Variants in ARPC2 observed in about 807,000 individuals in gnomAD.
ARPC2 encodes the protein actin-related protein 2/3 complex subunit 2.
ARPC2 carries 4 observed loss-of-function variants against 38.6 expected under a neutral mutation model. That is an observed-to-expected ratio of 0.10 (90% CI 0.05 to 0.24). The LOEUF (loss-of-function observed/expected upper bound fraction) is 0.24. Ranked by LOEUF, ARPC2 falls within the 10% of genes least tolerant of loss-of-function variation. The probability of loss-of-function intolerance (pLI) is 1.00; values close to 1 mark genes in which losing one functional copy is unlikely to be tolerated. For synonymous variants in ARPC2, 125 were observed against 140.8 expected, an observed-to-expected ratio of 0.89 and a Z score of 0.79; for missense variants, 229 against 387.3, an observed-to-expected ratio of 0.59 and a Z score of 3.43.
intron 7 of ARPC2, among the ~76,000 whole-genome samples, chr2:218,240,922 AG>A (rs1289299346): frequency 6.6e-6 from 1 of 151,966 alleles, no homozygotes; most frequent in Non-Finnish European, 1.5e-5. Flanking sequence ...GAGAGTTAGC[AG>A]GGCATTTTGT....
At chr2:218,249,615 C>T (rs1690131772) in intron 9 of ARPC2, 151 bp downstream of exon 9, 2 of 757,038 alleles carry the variant, frequency 2.6e-6, no homozygotes, top group African/African-American at 3.5e-5. Context: ...GGTCTTTCTT[C>T]ATCAAGCCAC....
Position 218,225,961 on chromosome 2 carries a change from A to G in ARPC2, c.109+7A>G, listed in dbSNP as rs561677173. ...GTAGAAGTAACATTTGCAGGTAAGC[A>G]TCTTTATCTCAGCCCTCTGAAGAGA... On this transcript the variant is annotated splice_region_variant and intron_variant, in intron 3 of 10. Transcript: ENST00000315717. The G allele has an allele frequency of 1.7e-5, 28 of 1,613,514 alleles. No homozygotes were observed. The Middle Eastern group carries it at 5.0e-4, about 29-fold the overall frequency.
At chr2:218,249,663 G>A (rs1574595933) in intron 9 of ARPC2, 158 bp from the exon 10 acceptor site, 1 of 792,370 alleles carries the variant, frequency 1.3e-6, no homozygotes, top group East Asian at 2.7e-5. Context: ...ATGAATATTT[G>A]TTTCCAGAAT....
intron 4 of ARPC2, among the ~76,000 whole-genome samples, chr2:218,232,189 C>G (rs1036034434): frequency 6.6e-6 from 1 of 151,908 alleles, no homozygotes; most frequent in Admixed American, 6.6e-5. Context: ...TGCAATGAGC[C>G]GAGATCACGC....
chr2:218,217,257 C>CG lies in ARPC2; in HGVS notation c.-9+5dup. 8.3e-6 allele frequency: 3 copies of CG among 363,208 alleles called. No individual in the cohort carries two copies. Among genetic ancestry groups the CG allele is most frequent in the Admixed American group, 5.8e-5 (1 of 17,256 alleles). The allele number at this position is 363,208 out of a possible 1,614,324, so 22.5% of individuals were successfully genotyped here. ...CGGGTTCAGGCTTCGGGGGCCAGGTCGGTTGGGTGGGTGGGTGTCTCCACA... is the reference window on the plus strand; with the variant it reads ...CGGGTTCAGGCTTCGGGGGCCAGGTCGGGTTGGGTGGGTGGGTGTCTCCACA... On this transcript the variant is annotated splice_donor_region_variant and intron_variant, in intron 1 of 10. Coordinates refer to ENST00000315717, the MANE Select transcript of ARPC2 (RefSeq NM_152862.3).
chr2:218,241,205 T>C (rs1382356425), intron 7 of ARPC2, among the ~76,000 whole-genome samples: 2 of 152,246 alleles, frequency 1.3e-5, no homozygotes, highest in Admixed American at 1.3e-4. Flanking sequence ...ACAGCTGTGC[T>C]TAACAGTAAA....
At chr2:218,251,564 C>CCAT (rs1690192723) in intron 10 of ARPC2, among the ~76,000 whole-genome samples, 1 of 151,550 alleles carries the variant, frequency 6.6e-6, no homozygotes, top group Non-Finnish European at 1.5e-5. Flanking sequence ...AGCAATCCTC[C>CCAT]CATCTCAGCC....
At chr2:218,240,155 G>A (rs189182243) in intron 7 of ARPC2, among the ~76,000 whole-genome samples, 72 of 151,194 alleles carry the variant, frequency 4.8e-4, no homozygotes, top group Admixed American at 3.3e-3. Flanking sequence ...GGGTTTCACC[G>A]TGTTGGCCAG....
At position 218,223,779 on chromosome 2, in the gene ARPC2, G is replaced by A. The variant is rs74370196; in HGVS notation, c.75-2141G>A. ...GCATCTGAAATTTTAGCAGCTGGTA[G>A]AACAGTAAATAATGTAACTATTAAT... On this transcript the variant is annotated intron_variant, in intron 2 of 10. Transcript: ENST00000315717. Among the ~76,000 whole-genome samples the A allele has an allele frequency of 9.0e-3, 1,367 of 152,308 alleles. 25 individuals are homozygous for A. Among genetic ancestry groups the A allele is most frequent in the African/African-American group, 0.031 (1,303 of 41,564 alleles).
intron 6 of ARPC2, 75 bp downstream of exon 6, chr2:218,238,925 C>A: frequency 8.4e-7 from 1 of 1,193,116 alleles, no homozygotes. Flanking sequence ...AGAAATATGG[C>A]TTGGTCAAAC....
chr2:218,247,321 GTTTGGAATTAATAAGCT>G lies in ARPC2; in HGVS notation c.676+1777_676+1793del, dbSNP rs1467356908. Among the ~76,000 whole-genome samples the G allele has an allele frequency of 2.6e-5, 4 of 152,300 alleles. No homozygotes were observed. In the East Asian group the frequency reaches 7.7e-4, roughly 29 times the overall value. On this transcript the variant is annotated intron_variant, in intron 8 of 10. Transcript: ENST00000315717. The stretch of plus-strand genomic sequence containing the variant: ...CACTGGCTGATTATGATAGCTTACA[GTTTGGAATTAATAAGCT>G]TGTTCACACTGCACCCAATGCCACT...
At chr2:218,241,746 C>G (rs1689921673) in intron 7 of ARPC2, among the ~76,000 whole-genome samples, 1 of 152,184 alleles carries the variant, frequency 6.6e-6, no homozygotes, top group Non-Finnish European at 1.5e-5. Flanking sequence ...AGGGCACTTA[C>G]CTAAAAGGAA....
rs928745091 is a variant in ARPC2, at chr2:218,217,695, G to A, written c.74+151G>A. On this transcript the variant is annotated intron_variant, in intron 2 of 10. Coordinates refer to ENST00000315717, the MANE Select transcript of ARPC2 (RefSeq NM_152862.3). ...CCCCAGCGGGGTAGACGTGGGAGGC[G>A]ATTGGGCGCGGCCGGGCGAGGGGCA... The A allele has an allele frequency of 3.7e-5, 30 of 814,238 alleles. No individual in the cohort carries two copies. In the African/African-American group the frequency reaches 4.4e-4, roughly 12 times the overall value. 50.4% of individuals were successfully genotyped at this position (814,238 alleles called of 1,614,324 possible). A position where few individuals can be genotyped will look rare whatever the true frequency, so the allele number is the denominator to read the frequency against.
intron 10 of ARPC2, among the ~76,000 whole-genome samples, chr2:218,251,810 C>T (rs1451506862): frequency 6.6e-6 from 1 of 152,190 alleles, no homozygotes; most frequent in Non-Finnish European, 1.5e-5. Flanking sequence ...TAGGGCTTTA[C>T]ACTCTCTCTC....
intron 10 of ARPC2, among the ~76,000 whole-genome samples, chr2:218,251,133 G>C (rs990402255): frequency 6.6e-6 from 1 of 152,108 alleles, no homozygotes; most frequent in Non-Finnish European, 1.5e-5. Context: ...TAAAAGTCTT[G>C]AGGTCATAAG....
rs1574570822 is a variant in ARPC2, at chr2:218,217,257, C to T, written c.-9+3C>T. The T allele has an allele frequency of 2.8e-6, 1 of 363,212 alleles. No individual in the cohort carries two copies. Among genetic ancestry groups the T allele is most frequent in the East Asian group, 5.2e-5 (1 of 19,398 alleles). The allele number at this position is 363,212 out of a possible 1,614,324, so 22.5% of individuals were successfully genotyped here. ...CGGGTTCAGGCTTCGGGGGCCAGGTCGGTTGGGTGGGTGGGTGTCTCCACA... is the reference window on the plus strand; with the variant it reads ...CGGGTTCAGGCTTCGGGGGCCAGGTTGGTTGGGTGGGTGGGTGTCTCCACA... On this transcript the variant is annotated splice_donor_region_variant and intron_variant, in intron 1 of 10. Transcript: ENST00000315717.
intron 8 of ARPC2, among the ~76,000 whole-genome samples, chr2:218,247,417 C>T (rs1690066892): frequency 6.6e-6 from 1 of 152,174 alleles, no homozygotes; most frequent in African/African-American, 2.4e-5. Context: ...TAAAGGTGAA[C>T]CTGTTTATTG....
intron 10 of ARPC2, 85 bp downstream of exon 10, chr2:218,250,006 A>G: frequency 9.1e-6 from 11 of 1,203,478 alleles, no homozygotes; most frequent in Non-Finnish European, 9.4e-6. Flanking sequence ...CTGGTCCTCC[A>G]TGTATCTGGG....
intron 2 of ARPC2, among the ~76,000 whole-genome samples, chr2:218,218,417 C>T (rs192633867): frequency 1.3e-5 from 2 of 152,388 alleles, no homozygotes; most frequent in African/African-American, 2.4e-5. Flanking sequence ...CTTTCCAAGG[C>T]AGCCTCTCTG....
Sources: allele counts gnomAD v4.1 joint callset (sites outside exome capture counted in the v4.1 genomes callset), GRCh38; gene constraint gnomAD v4.1.1; transcripts MANE v1.5; gene names NCBI Gene and HGNC (gene_info 2026-07-23, HGNC 2026-07-21).